Variants in PLEKHA5 observed in about 807,000 individuals in gnomAD.
PLEKHA5 encodes pleckstrin homology domain containing A5.
A neutral mutation model predicts 181.9 loss-of-function variants in PLEKHA5; 55 were observed. The observed-to-expected ratio is 0.30, with a 90% CI of 0.24 to 0.38. PLEKHA5 has a LOEUF of 0.38. Ranked by LOEUF, PLEKHA5 falls within the 10% of genes least tolerant of loss-of-function variation. PLEKHA5 has a pLI of 1.00. For missense variants in PLEKHA5, 1,432 were observed against 1,549.5 expected, an observed-to-expected ratio of 0.92 and a Z score of 1.27; for synonymous variants, 535 against 529.4, an observed-to-expected ratio of 1.01 and a Z score of -0.15.
intron 3 of PLEKHA5, among the ~76,000 whole-genome samples, chr12:19,206,680 C>G (rs917003839): frequency 1.3e-5 from 2 of 151,988 alleles, no homozygotes; most frequent in African/African-American, 4.8e-5. Context: ...GTGAACTTCC[C>G]CCACTATGCC....
Position 19,134,920 on chromosome 12 carries a change from A to T in PLEKHA5, c.227+2470A>T, listed in dbSNP as rs572182169. Among the ~76,000 whole-genome samples, 10 of 152,272 alleles carry T rather than the reference A, an allele frequency of 6.6e-5. No individual in the cohort carries two copies. In the East Asian group the frequency reaches 1.7e-3, roughly 26 times the overall value. On this transcript the variant is annotated intron_variant, in intron 3 of 31. Coordinates refer to ENST00000429027, the MANE Select transcript of PLEKHA5 (RefSeq NM_001256470.2). The stretch of plus-strand genomic sequence containing the variant: ...TTCGTGTTGGTGGCTATAGTTTTTC[A>T]TTGTCATTTCTTTCTCAGATGAAGA...
At chr12:19,318,269 C>T (rs1362910745) in intron 16 of PLEKHA5, among the ~76,000 whole-genome samples, 3 of 151,690 alleles carry the variant, frequency 2.0e-5, no homozygotes, top group Admixed American at 1.3e-4. Flanking sequence ...AGAAAAATTT[C>T]GGTGGTACTA....
At chr12:19,161,180 G>A (rs2042880157) in intron 3 of PLEKHA5, among the ~76,000 whole-genome samples, 1 of 151,944 alleles carries the variant, frequency 6.6e-6, no homozygotes, top group Admixed American at 6.6e-5. Flanking sequence ...TCTGAAGAAA[G>A]GGAGTAGGAA....
chr12:19,164,029 C>A (rs1371432740), intron 3 of PLEKHA5, among the ~76,000 whole-genome samples: 3 of 152,072 alleles, frequency 2.0e-5, no homozygotes, highest in Non-Finnish European at 4.4e-5. Context: ...TGGATTTCCA[C>A]CCCCTGACCA....
At chr12:19,143,641 T>C (rs2038070414) in intron 3 of PLEKHA5, among the ~76,000 whole-genome samples, 1 of 152,154 alleles carries the variant, frequency 6.6e-6, no homozygotes, top group South Asian at 2.1e-4. Context: ...TGCACAATTA[T>C]GTATGCGGCA....
intron 27 of PLEKHA5, 120 bp downstream of exon 27, chr12:19,358,557 A>T: frequency 1.6e-6 from 1 of 631,818 alleles, no homozygotes; most frequent in Non-Finnish European, 2.7e-6. Flanking sequence ...ATTTTATATT[A>T]TTTAATTCTC....
chr12:19,145,558 A>C (rs1484219398), intron 3 of PLEKHA5, among the ~76,000 whole-genome samples: 4 of 152,124 alleles, frequency 2.6e-5, no homozygotes, highest in Non-Finnish European at 5.9e-5. Flanking sequence ...TATTTAATAA[A>C]TATCTTAGGT....
intron 15 of PLEKHA5, among the ~76,000 whole-genome samples, chr12:19,293,498 C>T (rs1281341995): frequency 6.6e-6 from 1 of 152,054 alleles, no homozygotes; most frequent in Non-Finnish European, 1.5e-5. Context: ...TAGAAAAATG[C>T]ATCTTCCTTC....
chr12:19,271,830 A>C (rs2072908791), intron 10 of PLEKHA5, among the ~76,000 whole-genome samples: 1 of 152,208 alleles, frequency 6.6e-6, no homozygotes, highest in South Asian at 2.1e-4. Flanking sequence ...GACAAGATTT[A>C]TTAATACCAC....
At chr12:19,352,390 A>C (rs1019473548) in intron 25 of PLEKHA5, among the ~76,000 whole-genome samples, 5 of 151,910 alleles carry the variant, frequency 3.3e-5, no homozygotes, top group Admixed American at 6.6e-5. Flanking sequence ...ATCTCAAAAA[A>C]AAAAAAGAAA....
intron 15 of PLEKHA5, among the ~76,000 whole-genome samples, chr12:19,313,254 A>G (rs545610570): frequency 6.6e-6 from 1 of 152,140 alleles, no homozygotes; most frequent in Non-Finnish European, 1.5e-5. Context: ...ATGTGCCTGT[A>G]GTCCTAGCTA....
intron 20 of PLEKHA5, among the ~76,000 whole-genome samples, chr12:19,334,556 G>T (rs2093167437): frequency 6.6e-6 from 1 of 151,906 alleles, no homozygotes; most frequent in Admixed American, 6.6e-5. Context: ...CATTGGATCT[G>T]TTGTCTTAAT....
intron 3 of PLEKHA5, chr12:19,176,193 T>TCC (rs375830619): frequency 6.8e-6 from 1 of 146,016 alleles, no homozygotes; most frequent in Non-Finnish European, 1.5e-5. Flanking sequence ...TCTCTCTCTG[T>TCC]CCCCCCCCCA....
intron 29 of PLEKHA5, among the ~76,000 whole-genome samples, chr12:19,364,265 T>G (rs2095353490): frequency 6.6e-6 from 1 of 152,046 alleles, no homozygotes; most frequent in Non-Finnish European, 1.5e-5. Context: ...CCCAGCAGTT[T>G]GGGAGGCTGA....
chr12:19,269,898 A>G lies in PLEKHA5; in HGVS notation c.827+13A>G. The G allele has an allele frequency of 7.5e-7, 1 of 1,334,060 alleles. No individual in the cohort carries two copies. Among genetic ancestry groups the G allele is most frequent in the Non-Finnish European group, 1.1e-6 (1 of 926,834 alleles). The allele number at this position is 1,334,060 out of a possible 1,614,324, so 82.6% of individuals were successfully genotyped here. A position where few individuals can be genotyped will look rare whatever the true frequency, so the allele number is the denominator to read the frequency against. On this transcript the variant is annotated intron_variant, in intron 9 of 31. Coordinates refer to ENST00000429027, the MANE Select transcript of PLEKHA5 (RefSeq NM_001256470.2). ...AACCTGTGAAAAGGTAAAGGCTTGT[A>G]GAAAAAATGATGGTGATTTCCACTT... is the stretch of plus-strand genomic sequence containing the variant.
intron 15 of PLEKHA5, among the ~76,000 whole-genome samples, chr12:19,293,791 A>G (rs571087266): frequency 1.3e-5 from 2 of 152,282 alleles, no homozygotes; most frequent in East Asian, 3.9e-4. Context: ...CCCTTCCTCA[A>G]TCACTTTCCC....
intron 3 of PLEKHA5, among the ~76,000 whole-genome samples, chr12:19,233,725 A>G (rs73347029): frequency 0.084 from 12,790 of 152,248 alleles, 785 homozygotes; most frequent in African/African-American, 0.17. Context: ...ATTATCACAA[A>G]TATTGCTGAG....
At chr12:19,314,952 A>G (rs1295108155) in intron 16 of PLEKHA5, 58 bp downstream of exon 16, 6 of 863,290 alleles carry the variant, frequency 7.0e-6, no homozygotes, top group South Asian at 2.8e-5. Context: ...CCTCAGTGAC[A>G]GTTTTGATTT....
intron 3 of PLEKHA5, among the ~76,000 whole-genome samples, chr12:19,158,746 A>G (rs1209573822): frequency 1.3e-5 from 2 of 152,104 alleles, no homozygotes; most frequent in African/African-American, 4.8e-5. Context: ...TTGAGAACAG[A>G]CCTGTTTGTA....
Sources: gnomAD v4.1 joint callset for allele counts (sites outside exome capture counted in the v4.1 genomes callset) on GRCh38, gnomAD v4.1.1 for gene constraint, MANE v1.5 for transcripts, NCBI Gene and HGNC (gene_info 2026-07-23, HGNC 2026-07-21) for gene names.